The following SCRIB variants were observed in gnomAD, a reference collection of about 807,000 sequenced individuals.
The protein encoded by SCRIB is protein scribble homolog.
In SCRIB, 72 loss-of-function variants were observed where a neutral mutation model predicts 170.0. That is an observed-to-expected ratio of 0.42 (90% CI 0.35 to 0.52). SCRIB has a LOEUF of 0.52. Among genes scored for constraint, SCRIB ranks in the 20% least tolerant of loss-of-function variants. The pLI is 0.02. For synonymous variants in SCRIB, 1,298 were observed against 1,044.3 expected, an observed-to-expected ratio of 1.24 and a Z score of -4.68; for missense variants, 2,475 against 2,338.5, an observed-to-expected ratio of 1.06 and a Z score of -1.20.
At chr8:143,805,808 A>G (rs1815399178) in intron 18 of SCRIB, among the ~76,000 whole-genome samples, 2 of 151,906 alleles carry the variant, frequency 1.3e-5, no homozygotes, top group African/African-American at 2.4e-5. Flanking sequence ...CCACCCCAAC[A>G]CCCAGGAGCA....
At position 143,811,216 on chromosome 8, in the gene SCRIB, G is replaced by A. The variant is rs747783972; in HGVS notation, c.1036C>T (p.Arg346Cys). 58 of 1,611,410 alleles carry A rather than the reference G, an allele frequency of 3.6e-5. No homozygotes were observed. Among genetic ancestry groups the A allele is most frequent in the Middle Eastern group, 3.3e-4 (2 of 6,080 alleles). The change falls in exon 10 of 37, where the codon CGC becomes TGC. Residue 346 changes from arginine (R) to cysteine (C), a missense_variant. Physicochemically the swap from Arg to Cys is radical, Grantham distance 180. This residue lies in a region of SCRIB where 487 missense variants were observed against 558.1 expected (regional missense o/e 0.87). Coordinates refer to ENST00000356994, the MANE Select transcript of SCRIB (RefSeq NM_182706.5). ...AGCTCTGGTGGCAGGACGGCCAGGC[G>A]GTTGTCCCTCAAGGAGAGGACGCTG... ...ALSVLSLRDN[R>C]LAVLPPELAH...
rs782408581 is a variant in SCRIB, at chr8:143,792,354, C to T, written c.4380G>A (p.Thr1460=). 74 of 1,535,000 alleles carry T rather than the reference C, an allele frequency of 4.8e-5. No individual in the cohort carries two copies. The highest frequency in any genetic ancestry group is 6.0e-5 in the Non-Finnish European group (69 of 1,146,572). The change falls in exon 32 of 37, where the codon ACG becomes ACA. Residue 1460 remains threonine, a synonymous_variant. Coordinates refer to ENST00000356994, the MANE Select transcript of SCRIB (RefSeq NM_182706.5). ...PPLGGGAPVR[T]AKAERRHQER... ...CCTGGTGGCGCCGTTCAGCTTTGGC[C>T]GTCCGCACCGGGGCGCCACCTCCCA... is the stretch of plus-strand genomic sequence containing the variant.
At position 143,791,038 on chromosome 8, in the gene SCRIB, TCA is replaced by T. The variant is rs1820055504; in HGVS notation, c.*123_*124del. 1 of 1,052,256 alleles carries T rather than the reference TCA, an allele frequency of 9.5e-7. No homozygotes were observed. Among genetic ancestry groups the T allele is most frequent in the Admixed American group, 3.9e-5 (1 of 25,390 alleles). The allele number at this position is 1,052,256 out of a possible 1,614,324, so 65.2% of individuals were successfully genotyped here. A position where few individuals can be genotyped will look rare whatever the true frequency, so the allele number is the denominator to read the frequency against. ...CGGCTGGGGTGGGGCAGTTAGTTAGTCACAGGCCAGAACTCCTGTGGGGTCTC... is the reference window on the plus strand; with the variant it reads ...CGGCTGGGGTGGGGCAGTTAGTTAGTCAGGCCAGAACTCCTGTGGGGTCTC... On this transcript the variant is annotated 3_prime_UTR_variant, in exon 37 of 37. Coordinates refer to ENST00000356994, the MANE Select transcript of SCRIB (RefSeq NM_182706.5).
chr8:143,814,221 G>A (rs1586536149), intron 1 of SCRIB, 103 bp from the exon 2 acceptor site: 3 of 952,980 alleles, frequency 3.1e-6, no homozygotes, highest in Admixed American at 2.2e-5. Flanking sequence ...CTAGGCCTCT[G>A]TCTGCTCCAG....
At chr8:143,803,251 T>A in intron 24 of SCRIB, 132 bp downstream of exon 24, 1 of 858,372 alleles carries the variant, frequency 1.2e-6, no homozygotes, top group Non-Finnish European at 1.7e-6. Context: ...GCACGGCTGA[T>A]GCAGAGCCGC....
rs1346789504 is a variant in SCRIB, at chr8:143,810,537, C to T, written c.1472G>A (p.Arg491Gln). 7 of 1,613,194 alleles carry T rather than the reference C, an allele frequency of 4.3e-6. No individual in the cohort carries two copies. Among genetic ancestry groups the T allele is most frequent in the African/African-American group, 2.7e-5 (2 of 74,922 alleles). ...CTGGCAAGGGCAGGCCTCGCTCCGC[C>T]GCCCCTCGATGCTCCTCTTCATCAC... ...LKVMKRSIEG[R>Q]RSEACPCQPD... Residue 491 changes from arginine (R) to glutamine (Q), a missense_variant, in exon 13 of 37, where the codon CGG (arginine) becomes CAG (glutamine). By Grantham distance (43) the Arg-to-Gln change is conservative (BLOSUM62 1). This residue lies in a region of SCRIB where 1,966 missense variants were observed against 1,742.9 expected (regional missense o/e 1.13). Coordinates refer to ENST00000356994, the MANE Select transcript of SCRIB (RefSeq NM_182706.5).
At chr8:143,815,093 GC>G in intron 1 of SCRIB, 120 bp downstream of exon 1, 1 of 1,182,586 alleles carries the variant, frequency 8.5e-7, no homozygotes, top group Non-Finnish European at 1.1e-6. Context: ...TGGGGACCTG[GC>G]CAGTGCAAAC....
chr8:143,807,538 C>A lies in SCRIB; in HGVS notation c.2178+14G>T. The A allele has an allele frequency of 6.2e-7, 1 of 1,609,896 alleles. No homozygotes were observed. Among genetic ancestry groups the A allele is most frequent in the Non-Finnish European group, 8.5e-7 (1 of 1,176,302 alleles). On this transcript the variant is annotated intron_variant, in intron 16 of 36. Transcript: ENST00000356994. The stretch of plus-strand genomic sequence containing the variant: ...GCAGCGGCCCGGCCAGAGTGCAGAG[C>A]GAGCAGTACAGACCTCTTCCTCCTC...
Position 143,805,380 on chromosome 8 carries a change from C to T in SCRIB, c.2402G>A (p.Arg801Gln), listed in dbSNP as rs782815386. The part of the protein sequence containing the change: ...AEHHEAVEAL[R>Q]GAGTAVQMRV... ...CATCTGCACGGCAGTGCCGGCCCCC[C>T]GGAGCGCCTCCACGGCCTCGTGGTG... Residue 801 changes from arginine (R) to glutamine (Q), a missense_variant, in exon 19 of 37, where the codon CGG (arginine) becomes CAG (glutamine). Transcript: ENST00000356994. The T allele has an allele frequency of 1.3e-5, 20 of 1,547,346 alleles. No homozygotes were observed. The highest frequency in any genetic ancestry group is 4.8e-5 in the East Asian group (2 of 41,568).
intron 24 of SCRIB, among the ~76,000 whole-genome samples, chr8:143,800,702 C>A (rs1037438018): frequency 6.6e-6 from 1 of 152,252 alleles, no homozygotes; most frequent in African/African-American, 2.4e-5. Context: ...TGACAAAACC[C>A]CGTTTCTACA....
At position 143,804,952 on chromosome 8, in the gene SCRIB, AACCTGCAGTGTGCCCGCGCGG is replaced by A; in HGVS notation, c.2712_2732del (p.Arg905_Val911del). On this transcript the variant is annotated inframe_deletion, in exon 20 of 37. Coordinates refer to ENST00000356994, the MANE Select transcript of SCRIB (RefSeq NM_182706.5). ...CACTCACAGAGAGGACGCGGTCGCC[AACCTGCAGTGTGCCCGCGCGG>A]TGAGCAGCACCGCCCTCGGCAATGC... 1 of 1,571,610 alleles carries A rather than the reference AACCTGCAGTGTGCCCGCGCGG, an allele frequency of 6.4e-7. No individual in the cohort carries two copies.
At chr8:143,809,142 C>T in intron 14 of SCRIB, 117 bp from the exon 15 acceptor site, 1 of 1,354,530 alleles carries the variant, frequency 7.4e-7, no homozygotes, top group Non-Finnish European at 9.9e-7. Flanking sequence ...CACACAAAGA[C>T]TCAGCACTAA....
chr8:143,812,406 G>C (rs189775940), intron 8 of SCRIB, 22 bp from the exon 9 acceptor site: 3 of 1,553,762 alleles, frequency 1.9e-6, no homozygotes, highest in African/African-American at 1.4e-5. Flanking sequence ...GAGACAGGGG[G>C]ACAAGGCTGA....
intron 18 of SCRIB, among the ~76,000 whole-genome samples, chr8:143,806,115 C>T (rs1275195789): frequency 8.5e-5 from 13 of 152,186 alleles, no homozygotes; most frequent in Admixed American, 7.9e-4. Context: ...GTGCCAGGTG[C>T]AGCTGCTGCC....
rs782531324 is a variant in SCRIB at position 143,791,760 on chromosome 8, G to A, written c.4696-20C>T. The stretch of plus-strand genomic sequence containing the variant: ...CAAGGGCTTGAAAGGACAGCGTGAG[G>A]GGAGAGGCAGAGAGTGAGAGGAAAG... On this transcript the variant is annotated intron_variant, in intron 34 of 36. Coordinates refer to ENST00000356994, the MANE Select transcript of SCRIB (RefSeq NM_182706.5). 212 of 1,584,126 alleles carry A rather than the reference G, an allele frequency of 1.3e-4. No individual in the cohort carries two copies. The highest frequency in any genetic ancestry group is 1.8e-4 in the Non-Finnish European group (209 of 1,156,326).
intron 18 of SCRIB, 107 bp from the exon 19 acceptor site, chr8:143,805,542 G>A (rs7844471): frequency 0.84 from 994,859 of 1,189,212 alleles, 421,100 homozygotes; most frequent in Non-Finnish European, 0.88. Context: ...TGAGGCACAG[G>A]GCGAGGGGAA....
Position 143,793,020 on chromosome 8 carries a change from C to G in SCRIB, c.3973G>C (p.Ala1325Pro). 1 of 1,512,022 alleles carries G rather than the reference C, an allele frequency of 6.6e-7. No homozygotes were observed. Among genetic ancestry groups the G allele is most frequent in the Non-Finnish European group, 8.9e-7 (1 of 1,128,226 alleles). 93.7% of individuals were successfully genotyped at this position (1,512,022 alleles called of 1,614,324 possible). A position where few individuals can be genotyped will look rare whatever the true frequency, so the allele number is the denominator to read the frequency against. ...GGCGGGTGAGAAGTGGGCACGGCCG[C>G]GAAGGCCCTGTAGGCCTGCTTCACA... is the stretch of plus-strand genomic sequence containing the variant. Reference protein sequence around the residue: ...ANVKQAYRAFAAVPTSHPPED... With the variant: ...ANVKQAYRAFPAVPTSHPPED... The change falls in exon 29 of 37, where the codon GCG (alanine) becomes CCG (proline). Residue 1325 changes from alanine to proline, a missense_variant. Around this residue, in one of 3 missense-constraint regions of SCRIB, gnomAD observed 1,966 missense variants for 1,742.9 expected, o/e 1.13. Transcript: ENST00000356994.
chr8:143,810,768 G>T lies in SCRIB; in HGVS notation c.1322C>A (p.Pro441Gln). 1 of 1,605,944 alleles carries T rather than the reference G, an allele frequency of 6.2e-7. No individual in the cohort carries two copies. Residue 441 changes from proline to glutamine, a missense_variant, in exon 12 of 37, where the codon CCG (proline) becomes CAG (glutamine). Transcript: ENST00000356994. ...CTGGATGACGCTGACGCGGCTCGGCGGGGCATCGCTCCAGGTCTCCGAGAG... is the reference window on the plus strand; with the variant it reads ...CTGGATGACGCTGACGCGGCTCGGCTGGGCATCGCTCCAGGTCTCCGAGAG... ...GSLSETWSDA[P>Q]PSRVSVIQFL...
rs771891869 is a variant in SCRIB at position 143,810,502 on chromosome 8, C to T, written c.1507G>A (p.Gly503Arg). Residue 503 changes from glycine to arginine, a missense_variant, in exon 13 of 37, where the codon GGG (glycine) becomes AGG (arginine). By Grantham distance (125) the Gly-to-Arg change is moderately radical. Coordinates refer to ENST00000356994, the MANE Select transcript of SCRIB (RefSeq NM_182706.5). ...ACCTCCTCTGCAGGCAAGGGCGACCCAGAGTCTGGCTGGCAAGGGCAGGCC... is the reference window on the plus strand; with the variant it reads ...ACCTCCTCTGCAGGCAAGGGCGACCTAGAGTCTGGCTGGCAAGGGCAGGCC... The part of the protein sequence containing the change: ...SEACPCQPDS[G>R]SPLPAEEEKR... 6.2e-7 allele frequency: 1 copy of T among 1,611,254 alleles called. No homozygotes were observed. Among genetic ancestry groups the T allele is most frequent in the East Asian group, 2.2e-5 (1 of 44,870 alleles).
Sources: allele counts gnomAD v4.1 joint callset (sites outside exome capture counted in the v4.1 genomes callset), GRCh38; gene constraint gnomAD v4.1.1; regional missense constraint gnomAD v4.1.1; transcripts MANE v1.5; gene names NCBI Gene and HGNC (gene_info 2026-07-23, HGNC 2026-07-21).